The following ADCY2 variants were observed in gnomAD, a reference collection of about 807,000 sequenced individuals.
The protein encoded by ADCY2 is adenylate cyclase type 2.
ADCY2 carries 31 observed loss-of-function variants against 125.2 expected under a neutral mutation model. That is an observed-to-expected ratio of 0.25 (90% CI 0.19 to 0.33). ADCY2 has a LOEUF of 0.33. Among genes scored for constraint, ADCY2 ranks in the 10% least tolerant of loss-of-function variants. The pLI is 1.00. For missense variants in ADCY2, 904 were observed against 1,418.2 expected, an observed-to-expected ratio of 0.64 and a Z score of 5.82; for synonymous variants, 512 against 548.4, an observed-to-expected ratio of 0.93 and a Z score of 0.93.
Position 7,434,751 on chromosome 5 carries a change from T to C in ADCY2, c.408+19981T>C, listed in dbSNP as rs79283472. ...AGTTTCACAGAGAGGAAAAGGGACCTAGCCCATGCAAGATGGAAGTGGGAT... is the reference window on the plus strand; with the variant it reads ...AGTTTCACAGAGAGGAAAAGGGACCCAGCCCATGCAAGATGGAAGTGGGAT... On this transcript the variant is annotated intron_variant, in intron 2 of 24. Coordinates refer to ENST00000338316, the MANE Select transcript of ADCY2 (RefSeq NM_020546.3). 1.5e-4 allele frequency among the ~76,000 whole-genome samples: 23 copies of C among 152,344 alleles called. No individual in the cohort carries two copies. In the East Asian group the frequency reaches 4.1e-3, roughly 27 times the overall value.
chr5:7,640,006 G>A (rs1307954963), intron 4 of ADCY2, among the ~76,000 whole-genome samples: 3 of 152,090 alleles, frequency 2.0e-5, no homozygotes, highest in African/African-American at 7.2e-5. Context: ...ACACAAGCTC[G>A]ACATCATCCC....
chr5:7,654,064 A>C (rs1449839632), intron 4 of ADCY2: 1 of 456,112 alleles, frequency 2.2e-6, no homozygotes, highest in East Asian at 6.9e-5. Flanking sequence ...AAGCCAGCAG[A>C]TCAGTAGCAT....
intron 4 of ADCY2, among the ~76,000 whole-genome samples, chr5:7,669,563 A>C (rs1739863841): frequency 6.6e-6 from 1 of 152,226 alleles, no homozygotes; most frequent in Admixed American, 6.5e-5. Context: ...GTGGGTCATG[A>C]AATCAATTCC....
chr5:7,608,978 A>G (rs998428565), intron 3 of ADCY2, among the ~76,000 whole-genome samples: 4 of 152,056 alleles, frequency 2.6e-5, no homozygotes, highest in Non-Finnish European at 5.9e-5. Context: ...TGAAATCTTC[A>G]CCACCCACTT....
At chr5:7,501,651 C>CCCT (rs1554014555) in intron 2 of ADCY2, among the ~76,000 whole-genome samples, 57 of 100,428 alleles carry the variant, frequency 5.7e-4, no homozygotes, top group Non-Finnish European at 1.0e-3. Flanking sequence ...CCCCCTCCCC[C>CCCT]CCCCCCCGCC....
chr5:7,608,437 G>A (rs926548945), intron 3 of ADCY2, among the ~76,000 whole-genome samples: 6 of 152,066 alleles, frequency 3.9e-5, no homozygotes, highest in Admixed American at 1.3e-4. Flanking sequence ...TTAGCCGGGC[G>A]TGGTGGTGCA....
At chr5:7,680,766 C>G (rs996396516) in intron 4 of ADCY2, among the ~76,000 whole-genome samples, 1 of 152,174 alleles carries the variant, frequency 6.6e-6, no homozygotes, top group Non-Finnish European at 1.5e-5. Flanking sequence ...TCTGTAAGCT[C>G]TAAGCCATGG....
chr5:7,688,290 CAG>C (rs1236543341), intron 4 of ADCY2, among the ~76,000 whole-genome samples: 3 of 141,744 alleles, frequency 2.1e-5, no homozygotes, highest in Admixed American at 7.2e-5. Context: ...TTTTTTGAGA[CAG>C]AGTCTCACTC....
At chr5:7,548,579 A>G (rs983617543) in intron 3 of ADCY2, among the ~76,000 whole-genome samples, 1 of 152,168 alleles carries the variant, frequency 6.6e-6, no homozygotes, top group Non-Finnish European at 1.5e-5. Flanking sequence ...TCAGTTTTGC[A>G]CCAGCAACTC....
intron 5 of ADCY2, among the ~76,000 whole-genome samples, chr5:7,692,657 G>C (rs1290679916): frequency 1.3e-5 from 2 of 152,120 alleles, no homozygotes; most frequent in African/African-American, 2.4e-5. Flanking sequence ...ATATTTTTAA[G>C]TCACTTTTTG....
At chr5:7,713,697 T>A (rs1208105812) in intron 11 of ADCY2, among the ~76,000 whole-genome samples, 1 of 152,150 alleles carries the variant, frequency 6.6e-6, no homozygotes, top group Admixed American at 6.5e-5. Flanking sequence ...TTTCCCCTGT[T>A]CCTCTATCTT....
chr5:7,785,167 C>T (rs1744043143), intron 19 of ADCY2, among the ~76,000 whole-genome samples: 1 of 152,172 alleles, frequency 6.6e-6, no homozygotes, highest in African/African-American at 2.4e-5. Flanking sequence ...TGGAACGAAC[C>T]CATGAAGAAG....
intron 4 of ADCY2, among the ~76,000 whole-genome samples, chr5:7,632,887 C>A (rs754904668): frequency 1.3e-5 from 2 of 152,084 alleles, no homozygotes; most frequent in African/African-American, 4.8e-5. Context: ...TCTGAGAAGT[C>A]CTTTAGTTAG....
chr5:7,555,349 A>G (rs1411447128), intron 3 of ADCY2, among the ~76,000 whole-genome samples: 1 of 152,178 alleles, frequency 6.6e-6, no homozygotes, highest in African/African-American at 2.4e-5. Context: ...TGAAAACTTA[A>G]GTGGCACTTG....
rs778909073 is a variant in ADCY2 at position 7,757,517 on chromosome 5, C to T, written c.2025C>T (p.Arg675=). The change falls in exon 16 of 25, where the codon CGC becomes CGT. Residue 675 remains arginine (R), a synonymous_variant. Coordinates refer to ENST00000338316, the MANE Select transcript of ADCY2 (RefSeq NM_020546.3). ...AGTCCTCGGGCATCATTGCCAACCG[C>T]CCCTGGCCACGGATCTCTCTCACGA... ...LLKSSGIIAN[R]PWPRISLTII... 1.2e-6 allele frequency: 2 copies of T among 1,614,020 alleles called. No homozygotes were observed. Among genetic ancestry groups the T allele is most frequent in the Non-Finnish European group, 1.7e-6 (2 of 1,180,040 alleles).
intron 5 of ADCY2, among the ~76,000 whole-genome samples, chr5:7,693,989 GC>G (rs1740806922): frequency 6.6e-6 from 1 of 152,128 alleles, no homozygotes; most frequent in South Asian, 2.1e-4. Flanking sequence ...TGTGATCCCT[GC>G]CACTATAAGT....
chr5:7,755,701 C>T (rs555048677), intron 15 of ADCY2, among the ~76,000 whole-genome samples: 2 of 152,168 alleles, frequency 1.3e-5, no homozygotes, highest in Non-Finnish European at 2.9e-5. Context: ...AGTTTCCCAG[C>T]AGTAGAGGTT....
chr5:7,757,485 C>A lies in ADCY2; in HGVS notation c.1993C>A (p.Leu665Ile). Residue 665 changes from leucine to isoleucine, a missense_variant, in exon 16 of 25, where the codon CTT (leucine) becomes ATT (isoleucine). Coordinates refer to ENST00000338316, the MANE Select transcript of ADCY2 (RefSeq NM_020546.3). ...SKKASPLLMW[L>I]LKSSGIIANR... ...AAAAGCCTCTCCCCTGCTCATGTGG[C>A]TTTTGAAGTCCTCGGGCATCATTGC... 6.2e-7 allele frequency: 1 copy of A among 1,614,116 alleles called. No individual in the cohort carries two copies. Among genetic ancestry groups the A allele is most frequent in the Non-Finnish European group, 8.5e-7 (1 of 1,180,004 alleles).
chr5:7,808,418 C>G (rs762944697), intron 22 of ADCY2, among the ~76,000 whole-genome samples: 1 of 152,178 alleles, frequency 6.6e-6, no homozygotes, highest in Non-Finnish European at 1.5e-5. Flanking sequence ...TTTTACAAAC[C>G]TGCCACTTCC....
Sources: gnomAD v4.1 joint callset for allele counts (sites outside exome capture counted in the v4.1 genomes callset) on GRCh38, gnomAD v4.1.1 for gene constraint, MANE v1.5 for transcripts, NCBI Gene and HGNC (gene_info 2026-07-23, HGNC 2026-07-21) for gene names.